EPHA6: variants seen among roughly 807,000 people sequenced by gnomAD.
EPHA6 encodes the protein ephrin type-A receptor 6.
In EPHA6, 50 loss-of-function variants were observed where a neutral mutation model predicts 112.0. The ratio of observed to expected loss-of-function variants is 0.45; its 90% CI spans 0.36 to 0.56. The LOEUF (loss-of-function observed/expected upper bound fraction) is 0.56. EPHA6 is among the 20% of genes least tolerant of loss of function. The probability of loss-of-function intolerance (pLI) is 0.00; values close to 1 mark genes in which losing one functional copy is unlikely to be tolerated. For missense variants in EPHA6, 1,280 were observed against 1,417.4 expected, an observed-to-expected ratio of 0.90 and a Z score of 1.56; for synonymous variants, 529 against 490.7, an observed-to-expected ratio of 1.08 and a Z score of -1.03.
rs530392373 is a variant in EPHA6 at position 96,996,069 on chromosome 3, G to A, written c.1114+8076G>A. Among the ~76,000 whole-genome samples, 4 of 152,186 alleles carry A rather than the reference G, an allele frequency of 2.6e-5. No homozygotes were observed. In the East Asian group the frequency reaches 7.7e-4, roughly 29 times the overall value. On this transcript the variant is annotated intron_variant, in intron 3 of 17. Coordinates refer to ENST00000389672, the MANE Select transcript of EPHA6 (RefSeq NM_001080448.3). ...TTATCAACTAAGTTGAAATAATATT[G>A]TAAACATTTTGCTGTCATTTCAGCA...
intron 3 of EPHA6, among the ~76,000 whole-genome samples, chr3:96,990,427 T>C (rs1385175483): frequency 6.6e-6 from 1 of 152,176 alleles, no homozygotes; most frequent in Admixed American, 6.6e-5. Flanking sequence ...AGAACAATTG[T>C]TCATCACCTT....
intron 1 of EPHA6, among the ~76,000 whole-genome samples, chr3:96,841,371 TG>T (rs2034738384): frequency 6.6e-6 from 1 of 152,086 alleles, no homozygotes; most frequent in Non-Finnish European, 1.5e-5. Context: ...TTTAACTTAG[TG>T]GTATTGGGGC....
intron 3 of EPHA6, among the ~76,000 whole-genome samples, chr3:97,162,615 C>T (rs2076441418): frequency 6.6e-6 from 1 of 152,044 alleles, no homozygotes; most frequent in Non-Finnish European, 1.5e-5. Context: ...GCACTCTTAC[C>T]CTGGTAAAAA....
At chr3:97,109,667 T>C (rs935612216) in intron 3 of EPHA6, among the ~76,000 whole-genome samples, 9 of 152,070 alleles carry the variant, frequency 5.9e-5, no homozygotes, top group Admixed American at 2.6e-4. Context: ...AACTCCGAGA[T>C]GGAGATGTCA....
chr3:96,908,554 TTCATATG>T (rs1259136350), intron 2 of EPHA6, among the ~76,000 whole-genome samples: 4 of 151,880 alleles, frequency 2.6e-5, no homozygotes, highest in Non-Finnish European at 5.9e-5. Context: ...CTTATATGTT[TTCATATG>T]TTCCCGTGCC....
chr3:97,609,030 C>A (rs542696507), intron 12 of EPHA6, among the ~76,000 whole-genome samples: 1 of 151,404 alleles, frequency 6.6e-6, no homozygotes, highest in Non-Finnish European at 1.5e-5. Context: ...GGAATGCTTG[C>A]AAGCTCTTTT....
chr3:97,440,914 TA>T (rs1346176041), intron 6 of EPHA6, among the ~76,000 whole-genome samples: 1 of 151,788 alleles, frequency 6.6e-6, no homozygotes, highest in Non-Finnish European at 1.5e-5. Context: ...TCAATAAATA[TA>T]AAGGAAATAT....
intron 12 of EPHA6, among the ~76,000 whole-genome samples, chr3:97,608,876 A>G (rs2093698354): frequency 6.6e-6 from 1 of 151,274 alleles, no homozygotes. Flanking sequence ...CTATAGCATA[A>G]AGGTTAAGAT....
chr3:96,839,173 C>T (rs2034587516), intron 1 of EPHA6, among the ~76,000 whole-genome samples: 1 of 152,150 alleles, frequency 6.6e-6, no homozygotes, highest in Admixed American at 6.6e-5. Context: ...CAGCCCTGGG[C>T]TGCAGACTGG....
intron 1 of EPHA6, among the ~76,000 whole-genome samples, chr3:96,864,854 C>T (rs941495410): frequency 5.9e-5 from 9 of 151,936 alleles, no homozygotes; most frequent in Non-Finnish European, 1.0e-4. Context: ...CTGGATATGT[C>T]ATTGCATTAA....
chr3:97,296,951 A>G (rs770464635), intron 5 of EPHA6, among the ~76,000 whole-genome samples: 2 of 152,142 alleles, frequency 1.3e-5, no homozygotes, highest in African/African-American at 2.4e-5. Context: ...AGCAGGGTCT[A>G]TTGGGCCCCA....
At chr3:97,461,042 A>C (rs1487931272) in intron 7 of EPHA6, among the ~76,000 whole-genome samples, 1 of 152,176 alleles carries the variant, frequency 6.6e-6, no homozygotes, top group Non-Finnish European at 1.5e-5. Flanking sequence ...AGTATCTGAC[A>C]CAAGTAACAC....
In EPHA6 at chr3:97,143,735, C is replaced by A. The variant is rs145145510; in HGVS notation, c.1115-82529C>A. ...TCATGTTGTATGATTCCAGAGTTTT[C>A]TTGTATCCCATCACCAATAAGTTTT... is the stretch of plus-strand genomic sequence containing the variant. On this transcript the variant is annotated intron_variant, in intron 3 of 17. Transcript: ENST00000389672. 7.6e-4 allele frequency among the ~76,000 whole-genome samples: 115 copies of A among 151,726 alleles called. 2 individuals carry two copies. The East Asian group carries it at 0.02, about 27-fold the overall frequency.
At chr3:96,928,103 G>T (rs779888059) in intron 2 of EPHA6, among the ~76,000 whole-genome samples, 3 of 152,172 alleles carry the variant, frequency 2.0e-5, no homozygotes, top group Non-Finnish European at 2.9e-5. Flanking sequence ...ATCACCTCTC[G>T]CCAGGTCCTT....
intron 2 of EPHA6, among the ~76,000 whole-genome samples, chr3:96,878,623 A>C (rs2037117784): frequency 6.6e-6 from 1 of 152,078 alleles, no homozygotes; most frequent in African/African-American, 2.4e-5. Context: ...TGACAACAAA[A>C]GCTATTATGA....
chr3:97,481,552 G>C, intron 9 of EPHA6: 2 of 719,672 alleles, frequency 2.8e-6, no homozygotes, highest in South Asian at 2.8e-5. Flanking sequence ...TAGAGCCGCC[G>C]GGGCGCGGCG....
chr3:97,466,404 C>A, intron 7 of EPHA6: 1 of 1,606,702 alleles, frequency 6.2e-7, no homozygotes, highest in South Asian at 1.1e-5. Flanking sequence ...TCTCTTGGTT[C>A]ATTATATTCC....
chr3:97,488,664 T>C (rs1208316273), intron 10 of EPHA6, among the ~76,000 whole-genome samples: 1 of 152,214 alleles, frequency 6.6e-6, no homozygotes, highest in Non-Finnish European at 1.5e-5. Context: ...ATTCTCTTTA[T>C]ATATATATTT....
chr3:96,888,741 C>T (rs1228848049), intron 2 of EPHA6, among the ~76,000 whole-genome samples: 1 of 152,156 alleles, frequency 6.6e-6, no homozygotes, highest in Non-Finnish European at 1.5e-5. Flanking sequence ...GCTGTAAAGA[C>T]CCCTGACATG....
Sources: gnomAD v4.1 joint callset for allele counts (sites outside exome capture counted in the v4.1 genomes callset) on GRCh38, gnomAD v4.1.1 for gene constraint, MANE v1.5 for transcripts, NCBI Gene and HGNC (gene_info 2026-07-23, HGNC 2026-07-21) for gene names.